The following EPB41L1 variants were observed in gnomAD, a reference collection of about 807,000 sequenced individuals.
The protein encoded by EPB41L1 is band 4.1-like protein 1.
EPB41L1 carries 29 observed loss-of-function variants against 97.8 expected under a neutral mutation model. The observed-to-expected ratio is 0.30, with a 90% CI of 0.22 to 0.40. EPB41L1 has a LOEUF of 0.40. EPB41L1 is among the 10% of genes least tolerant of loss of function. The pLI, the probability that EPB41L1 is intolerant of heterozygous loss-of-function variation, is 1.00. For missense variants in EPB41L1, 812 were observed against 1,162.3 expected (o/e 0.70, Z 4.38); for synonymous variants, 383 against 459.2 (o/e 0.83, Z 2.12).
rs1030466016 is a variant in EPB41L1 at position 36,207,604 on chromosome 20, C to A, written c.1669-1884C>A. On this transcript the variant is annotated intron_variant, in intron 14 of 21. Coordinates refer to ENST00000338074, the MANE Select transcript of EPB41L1 (RefSeq NM_012156.2). The surrounding 1 kb of genome is among the most constrained non-coding windows in gnomAD (Gnocchi z 4.9). ...CTCAGACCTGGGCTTCGCCCAACTC[C>A]AGCCCCCAGGGGACTTTGCCAGCCC... 1 of 1,290,040 alleles carries A rather than the reference C, an allele frequency of 7.8e-7. No individual in the cohort carries two copies. Among genetic ancestry groups the A allele is most frequent in the African/African-American group, 1.5e-5 (1 of 65,996 alleles). 79.9% of individuals were successfully genotyped at this position (1,290,040 alleles called of 1,614,324 possible). A position where few individuals can be genotyped will look rare whatever the true frequency, so the allele number is the denominator to read the frequency against.
Position 36,154,904 on chromosome 20 carries a change from C to T in EPB41L1, c.-15+8C>T. ...GGGGAACCCCGGGCCCAGGTAGGCA[C>T]ATGGGGGAATCAGGTGGCTCTCGGG... On this transcript the variant is annotated splice_region_variant and intron_variant, in intron 1 of 21. Coordinates refer to ENST00000338074, the MANE Select transcript of EPB41L1 (RefSeq NM_012156.2). This position sits in a 1 kb window ranked among gnomAD's most constrained non-coding sequence, Gnocchi z 5.5. 1 of 1,095,258 alleles carries T rather than the reference C, an allele frequency of 9.1e-7. No individual in the cohort carries two copies. Among genetic ancestry groups the T allele is most frequent in the South Asian group, 2.2e-5 (1 of 46,264 alleles). The allele number at this position is 1,095,258 out of a possible 1,614,324, so 67.8% of individuals were successfully genotyped here.
intron 3 of EPB41L1, among the ~76,000 whole-genome samples, chr20:36,175,923 G>C (rs1261731061): frequency 1.3e-5 from 2 of 152,144 alleles, no homozygotes; most frequent in Non-Finnish European, 2.9e-5. Context: ...AATAGAATTA[G>C]ACGAGGTACA....
intron 21 of EPB41L1, 135 bp downstream of exon 21, chr20:36,222,529 TG>T: frequency 1.4e-6 from 1 of 699,576 alleles, no homozygotes; most frequent in South Asian, 1.7e-5. Flanking sequence ...TCAGCCTTCC[TG>T]ATTTGCTGCT....
intron 2 of EPB41L1, among the ~76,000 whole-genome samples, chr20:36,137,306 C>T (rs572664248): frequency 2.6e-5 from 4 of 151,710 alleles, no homozygotes; most frequent in Non-Finnish European, 5.9e-5. Context: ...AAACTCCTGA[C>T]CTCAAGTAAT....
rs1001200463 is a variant in EPB41L1 at position 36,229,764 on chromosome 20, G to C, written c.*424G>C. 6.4e-6 allele frequency: 1 copy of C among 157,328 alleles called. No homozygotes were observed. The highest frequency in any genetic ancestry group is 2.0e-4 in the South Asian group (1 of 5,090). The allele number at this position is 157,328 out of a possible 1,614,324, so 9.7% of individuals were successfully genotyped here. On this transcript the variant is annotated 3_prime_UTR_variant, in exon 22 of 22. Coordinates refer to ENST00000338074, the MANE Select transcript of EPB41L1 (RefSeq NM_012156.2). Reference sequence around the variant, plus strand: ...AGTCCCTCCCGCCCTGGTTCTGCACGTTACAGTTAGCAGACGAGCAATTCC... The same window carrying C: ...AGTCCCTCCCGCCCTGGTTCTGCACCTTACAGTTAGCAGACGAGCAATTCC...
intron 7 of EPB41L1, among the ~76,000 whole-genome samples, chr20:36,185,582 G>T (rs1003920610): frequency 2.6e-5 from 4 of 152,210 alleles, no homozygotes; most frequent in Non-Finnish European, 5.9e-5. Context: ...ATAATTCCCT[G>T]TCCTTGGCCT....
chr20:36,102,549 G>A (rs919286814), intron 1 of EPB41L1, among the ~76,000 whole-genome samples: 3 of 152,174 alleles, frequency 2.0e-5, no homozygotes, highest in Non-Finnish European at 4.4e-5. Flanking sequence ...TAAAATGGGG[G>A]TTGGACAGGA....
chr20:36,227,598 A>C (rs1202405485), intron 21 of EPB41L1, among the ~76,000 whole-genome samples: 2 of 152,186 alleles, frequency 1.3e-5, no homozygotes, highest in African/African-American at 4.8e-5. Flanking sequence ...TGATGAGAGT[A>C]CTGAGAAAGT....
chr20:36,147,547 TC>T (rs1330782577), intron 2 of EPB41L1, among the ~76,000 whole-genome samples: 1 of 152,198 alleles, frequency 6.6e-6, no homozygotes, highest in African/African-American at 2.4e-5. Context: ...TTCAGTTTCC[TC>T]CCCTGTAAAA....
intron 2 of EPB41L1, among the ~76,000 whole-genome samples, chr20:36,132,502 C>T (rs2059249743): frequency 7.4e-6 from 1 of 135,062 alleles, no homozygotes; most frequent in African/African-American, 2.8e-5. Flanking sequence ...TGCAAGGTCC[C>T]TTTTGCCACG....
chr20:36,175,517 A>C, intron 2 of EPB41L1, 34 bp from the exon 3 acceptor site: 1 of 1,613,936 alleles, frequency 6.2e-7, no homozygotes, highest in Non-Finnish European at 8.5e-7. Flanking sequence ...CTTAAAACTC[A>C]CTGAGCAAAC....
chr20:36,128,700 G>A (rs1201523406), intron 2 of EPB41L1, among the ~76,000 whole-genome samples: 1 of 152,208 alleles, frequency 6.6e-6, no homozygotes, highest in Non-Finnish European at 1.5e-5. Flanking sequence ...GCATCTGGTA[G>A]TGACTCAGCC....
chr20:36,222,047 TC>T, intron 20 of EPB41L1, 103 bp downstream of exon 20: 1 of 1,274,374 alleles, frequency 7.8e-7, no homozygotes, highest in Non-Finnish European at 1.1e-6. Flanking sequence ...AGAGAAGGTG[TC>T]CACTTCTTGC....
chr20:36,130,076 G>A lies in EPB41L1; in HGVS notation c.-10+17596G>A, dbSNP rs922212730. Among the ~76,000 whole-genome samples the A allele has an allele frequency of 7.9e-5, 12 of 151,942 alleles. No homozygotes were observed. The East Asian group carries it at 2.1e-3, about 27-fold the overall frequency. On this transcript the variant is annotated intron_variant, in intron 2 of 19. Transcript: ENST00000202028. Reference sequence around the variant, plus strand: ...CATGCCTCAGCCTCCCAAGTAGCTGGGATTACAGGCACCCGCCACCATGCC... The same window carrying A: ...CATGCCTCAGCCTCCCAAGTAGCTGAGATTACAGGCACCCGCCACCATGCC...
At chr20:36,101,290 G>A (rs2058008756) in intron 1 of EPB41L1, among the ~76,000 whole-genome samples, 1 of 152,034 alleles carries the variant, frequency 6.6e-6, no homozygotes, top group African/African-American at 2.4e-5. Context: ...AGAGAGGGAG[G>A]AATAGGAAAC....
Position 36,212,224 on chromosome 20 carries a change from T to G in EPB41L1, c.2080-48T>G, listed in dbSNP as rs2063174580. 1 of 1,567,688 alleles carries G rather than the reference T, an allele frequency of 6.4e-7. No homozygotes were observed. Among genetic ancestry groups the G allele is most frequent in the South Asian group, 1.1e-5 (1 of 90,060 alleles). ...CACTGCAATTGTCTGTGAGCAAGGG[T>G]CATGCTAGGGTTTCAGTTACAGAGC... On this transcript the variant is annotated intron_variant, in intron 15 of 21. Transcript: ENST00000338074. The surrounding 1 kb of genome is among the most constrained non-coding windows in gnomAD (Gnocchi z 4.8).
chr20:36,124,257 A>C (rs889006361), intron 2 of EPB41L1, among the ~76,000 whole-genome samples: 4 of 152,156 alleles, frequency 2.6e-5, no homozygotes. Flanking sequence ...TCCGTCTCAA[A>C]AAAACAAAAC....
At chr20:36,192,531 C>CAAAAA (rs57675036) in intron 11 of EPB41L1, among the ~76,000 whole-genome samples, 3 of 46,416 alleles carry the variant, frequency 6.5e-5, no homozygotes, top group African/African-American at 7.0e-5. Context: ...GACTCCGTCT[C>CAAAAA]AAAAAAAAAA....
intron 11 of EPB41L1, among the ~76,000 whole-genome samples, chr20:36,193,965 G>A (rs2062071843): frequency 6.6e-6 from 1 of 152,242 alleles, no homozygotes; most frequent in Non-Finnish European, 1.5e-5. Flanking sequence ...GTCAAGAACA[G>A]ATGGATTTGA....
Sources: allele counts gnomAD v4.1 joint callset (sites outside exome capture counted in the v4.1 genomes callset), GRCh38; gene constraint gnomAD v4.1.1; non-coding constraint Gnocchi (gnomAD v3.1); transcripts MANE v1.5; gene names NCBI Gene and HGNC (gene_info 2026-07-23, HGNC 2026-07-21).